Variants in UBE2V1 observed in about 807,000 individuals in gnomAD.
The protein encoded by UBE2V1 is ubiquitin-conjugating enzyme E2 variant 1.
In UBE2V1, 15 loss-of-function variants were observed where a neutral mutation model predicts 19.6. The ratio of observed to expected loss-of-function variants is 0.77; its 90% CI spans 0.51 to 1.18. The LOEUF is 1.18. Among genes scored for constraint, UBE2V1 ranks in the 50% most tolerant of loss-of-function variants. The pLI is 0.00. For missense variants in UBE2V1, 125 were observed against 184.8 expected, an observed-to-expected ratio of 0.68 and a Z score of 1.88; for synonymous variants, 60 against 60.7, an observed-to-expected ratio of 0.99 and a Z score of 0.05.
chr20:50,102,088 T>C (rs1272850268), intron 1 of UBE2V1, among the ~76,000 whole-genome samples: 1 of 152,138 alleles, frequency 6.6e-6, no homozygotes. Flanking sequence ...ACTGCTAACG[T>C]CTCAGGATAT....
intron 1 of UBE2V1, among the ~76,000 whole-genome samples, chr20:50,106,876 A>ACAACAAC (rs200944589): frequency 2.3e-3 from 288 of 123,102 alleles, no homozygotes; most frequent in Non-Finnish European, 3.0e-3. Flanking sequence ...AACAACAACA[A>ACAACAAC]AAAAAAAAAA....
intron 2 of UBE2V1, among the ~76,000 whole-genome samples, chr20:50,087,457 T>C (rs2078987689): frequency 6.6e-6 from 1 of 151,672 alleles, no homozygotes; most frequent in South Asian, 2.1e-4. Flanking sequence ...GGGTTTCTGG[T>C]TTTTTTATTT....
intron 2 of UBE2V1, among the ~76,000 whole-genome samples, chr20:50,093,119 T>C (rs924362011): frequency 3.9e-5 from 6 of 152,260 alleles, no homozygotes; most frequent in South Asian, 2.1e-4. Context: ...GGACATAATA[T>C]GGTATACTCA....
At chr20:50,084,283 G>T (rs1043973131) in intron 2 of UBE2V1, 29 bp from the exon 3 acceptor site, 2 of 1,609,570 alleles carry the variant, frequency 1.2e-6, no homozygotes, top group Non-Finnish European at 1.7e-6. Flanking sequence ...GAGATGTCAC[G>T]CAATTACAAA....
Position 50,082,432 on chromosome 20 carries a change from TTG to T in UBE2V1, c.*334_*335del, listed in dbSNP as rs2078683093. The stretch of plus-strand genomic sequence containing the variant: ...GGCCGTGTAATCAGCAGCAAGGTGA[TTG>T]TGTGATGTGTCTTTTCACAGTTGAG... On this transcript the variant is annotated 3_prime_UTR_variant, in exon 4 of 4. Transcript: ENST00000371674. 4.1e-6 allele frequency: 1 copy of T among 246,536 alleles called. No homozygotes were observed. The highest frequency in any genetic ancestry group is 7.9e-6 in the Non-Finnish European group (1 of 126,702). The allele number at this position is 246,536 out of a possible 1,614,324, so 15.3% of individuals were successfully genotyped here.
intron 2 of UBE2V1, among the ~76,000 whole-genome samples, chr20:50,094,010 A>AAAAAAAAAAAAAAAT (rs2079416552): frequency 1.1e-5 from 1 of 94,728 alleles, no homozygotes; most frequent in African/African-American, 5.3e-5. Context: ...AAAAAAAAAA[A>AAAAAAAAAAAAAAAT]AATAATAATA....
chr20:50,093,953 A>T (rs2079395657), intron 2 of UBE2V1, among the ~76,000 whole-genome samples: 1 of 136,482 alleles, frequency 7.3e-6, no homozygotes, highest in East Asian at 2.2e-4. Context: ...GCGCCACTGC[A>T]CTCCAGCCTG....
chr20:50,096,917 T>C, intron 1 of UBE2V1, 97 bp from the exon 2 acceptor site: 1 of 1,543,544 alleles, frequency 6.5e-7, no homozygotes, highest in African/African-American at 1.4e-5. Context: ...GGAATCAAGA[T>C]GCTAACATGC....
intron 1 of UBE2V1, among the ~76,000 whole-genome samples, chr20:50,098,209 T>C (rs2079758953): frequency 6.6e-6 from 1 of 152,142 alleles, no homozygotes; most frequent in African/African-American, 2.4e-5. Flanking sequence ...GGAGAAAGTC[T>C]TTGAGACAGA....
At chr20:50,098,645 A>G (rs77858494) in intron 1 of UBE2V1, among the ~76,000 whole-genome samples, 1,875 of 152,242 alleles carry the variant, frequency 0.012, 36 homozygotes, top group African/African-American at 0.042. Context: ...CAGAGTTGGT[A>G]GTGGTATGTT....
rs1192034532 is a variant in UBE2V1, at chr20:50,113,108, C to A, written c.21G>T (p.Ser7=). 3 of 1,350,796 alleles carry A rather than the reference C, an allele frequency of 2.2e-6. No individual in the cohort carries two copies. The highest frequency in any genetic ancestry group is 3.0e-5 in the East Asian group (1 of 33,658). The allele number at this position is 1,350,796 out of a possible 1,614,324, so 83.7% of individuals were successfully genotyped here. Residue 7 remains serine, a splice_region_variant and synonymous_variant, in exon 1 of 4, where the codon TCG becomes TCT. Transcript: ENST00000371674. MAATTG[S]GVKVPRNFRL... ...GCCGGGCCCGGCGCCCCCGCTCACC[C>A]GAGCCCGTGGTGGCTGCCATCTTGC...
chr20:50,084,334 T>A (rs2078782950), intron 2 of UBE2V1, 80 bp from the exon 3 acceptor site: 1 of 1,604,296 alleles, frequency 6.2e-7, no homozygotes, highest in Admixed American at 1.7e-5. Flanking sequence ...ACCCCATTTA[T>A]CCCTGACTGT....
At chr20:50,109,482 G>A (rs563093107) in intron 1 of UBE2V1, among the ~76,000 whole-genome samples, 3 of 152,256 alleles carry the variant, frequency 2.0e-5, no homozygotes, top group African/African-American at 7.2e-5. Context: ...CCGGCACGGT[G>A]ACTTACGCCT....
intron 1 of UBE2V1, among the ~76,000 whole-genome samples, chr20:50,103,238 T>C (rs545395927): frequency 3.0e-4 from 45 of 152,308 alleles, no homozygotes; most frequent in African/African-American, 1.0e-3. Flanking sequence ...AATGAATGAC[T>C]AGGTATTAGC....
intron 2 of UBE2V1, 196 bp downstream of exon 2, chr20:50,096,476 T>C: frequency 7.0e-7 from 1 of 1,428,916 alleles, no homozygotes; most frequent in Non-Finnish European, 9.4e-7. Flanking sequence ...AACAGGTTTT[T>C]GCTTACCATT....
chr20:50,105,674 C>T (rs972318359), intron 1 of UBE2V1, among the ~76,000 whole-genome samples: 3 of 152,184 alleles, frequency 2.0e-5, no homozygotes, highest in South Asian at 2.1e-4. Flanking sequence ...ACAGGCCAGG[C>T]GCAGTGGCTC....
At position 50,082,340 on chromosome 20, in the gene UBE2V1, G is replaced by C. The variant is rs2078678546; in HGVS notation, c.*428C>G. The C allele has an allele frequency of 5.4e-6, 1 of 185,564 alleles. No individual in the cohort carries two copies. The highest frequency in any genetic ancestry group is 1.1e-5 in the Non-Finnish European group (1 of 87,736). The allele number at this position is 185,564 out of a possible 1,614,324, so 11.5% of individuals were successfully genotyped here. Reference sequence around the variant, plus strand: ...CACATCTACTCTAACAAGCCCCCCAGGCTAGAGGGCTGTTGTTGCAGGGAG... The same window carrying C: ...CACATCTACTCTAACAAGCCCCCCACGCTAGAGGGCTGTTGTTGCAGGGAG... On this transcript the variant is annotated 3_prime_UTR_variant, in exon 4 of 4. Transcript: ENST00000371674.
Position 50,113,118 on chromosome 20 carries a change from G to A in UBE2V1, c.11C>T (p.Thr4Ile). 1 of 1,367,400 alleles carries A rather than the reference G, an allele frequency of 7.3e-7. No homozygotes were observed. The allele number at this position is 1,367,400 out of a possible 1,614,324, so 84.7% of individuals were successfully genotyped here. A position where few individuals can be genotyped will look rare whatever the true frequency, so the allele number is the denominator to read the frequency against. Residue 4 changes from threonine to isoleucine, a missense_variant, in exon 1 of 4, where the codon ACC (threonine) becomes ATC (isoleucine). By Grantham distance (89) the Thr-to-Ile change is moderately conservative. Transcript: ENST00000371674. Reference protein sequence around the residue: MAATTGSGVKVPRN... With the variant: MAAITGSGVKVPRN... ...GCGCCCCCGCTCACCCGAGCCCGTG[G>A]TGGCTGCCATCTTGCGTCGCTCTTG...
In UBE2V1 at chr20:50,089,656, C is replaced by T. The variant is rs539113751; in HGVS notation, c.172-5402G>A. Among the ~76,000 whole-genome samples the T allele has an allele frequency of 6.6e-5, 10 of 152,248 alleles. No individual in the cohort carries two copies. The East Asian group carries it at 1.9e-3, about 29-fold the overall frequency. ...GGCACCTCTCTGCACAGCGACGAGA[C>T]ACAATTATCCTTTGTACAGAGACTC... On this transcript the variant is annotated intron_variant, in intron 2 of 3. Coordinates refer to ENST00000371674, the MANE Select transcript of UBE2V1 (RefSeq NM_001032288.3).
Sources: gnomAD v4.1 joint callset for allele counts (sites outside exome capture counted in the v4.1 genomes callset) on GRCh38, gnomAD v4.1.1 for gene constraint, MANE v1.5 for transcripts, NCBI Gene and HGNC (gene_info 2026-07-23, HGNC 2026-07-21) for gene names.